Variants in AXDND1 observed in about 807,000 individuals in gnomAD.
The protein encoded by AXDND1 is axonemal dynein light chain domain containing 1.
AXDND1 carries 110 observed loss-of-function variants against 137.5 expected under a neutral mutation model. That is an observed-to-expected ratio of 0.80 (90% confidence interval 0.69 to 0.94). The LOEUF (loss-of-function observed/expected upper bound fraction) is 0.94. AXDND1 is among the 40% of genes least tolerant of loss of function. The probability of loss-of-function intolerance (pLI) is 0.00; values close to 1 mark genes in which losing one functional copy is unlikely to be tolerated. For missense variants in AXDND1, 1,191 were observed against 1,169.8 expected (o/e 1.02, Z -0.26); for synonymous variants, 414 against 399.7 (o/e 1.04, Z -0.43).
At chr1:179,457,336 C>A in intron 16 of AXDND1, 1 of 556,916 alleles carries the variant, frequency 1.8e-6, no homozygotes, top group Non-Finnish European at 3.2e-6. Context: ...TTAGACAAGA[C>A]GGCCGGGAGA....
At chr1:179,385,744 G>C (rs1649095453) in intron 9 of AXDND1, among the ~76,000 whole-genome samples, 2 of 152,304 alleles carry the variant, frequency 1.3e-5, no homozygotes, top group African/African-American at 4.8e-5. Flanking sequence ...CTCTATTGTG[G>C]TTTCCTTGGG....
chr1:179,440,731 G>A (rs11802595), intron 15 of AXDND1, among the ~76,000 whole-genome samples: 98,641 of 152,186 alleles, frequency 0.65, 32,308 homozygotes, highest in Middle Eastern at 0.7. Flanking sequence ...GAAATGTGAA[G>A]AGAAGCTGCA....
chr1:179,445,094 A>G lies in AXDND1; in HGVS notation c.1688A>G (p.His563Arg), dbSNP rs754651667. ...ATTGGGCTTGGGATATTTAATCGGC[A>G]TAAAAGTTTGGAGGGGGAGATGCCA... ...ADIGLGIFNRHKSLEGEMPSE... is the reference protein window; with the variant it reads ...ADIGLGIFNRRKSLEGEMPSE... The change falls in exon 16 of 26, where the codon CAT (histidine) becomes CGT (arginine). Residue 563 changes from histidine to arginine, a missense_variant. By Grantham distance (29) the His-to-Arg change is conservative. Coordinates refer to ENST00000367618, the MANE Select transcript of AXDND1 (RefSeq NM_144696.6). 5.6e-6 allele frequency: 9 copies of G among 1,613,504 alleles called. No homozygotes were observed. The highest frequency in any genetic ancestry group is 1.3e-5 in the African/African-American group (1 of 74,914).
At chr1:179,440,612 G>A (rs2125348077) in intron 15 of AXDND1, among the ~76,000 whole-genome samples, 1 of 152,338 alleles carries the variant, frequency 6.6e-6, no homozygotes, top group African/African-American at 2.4e-5. Flanking sequence ...TTTTGGTGCA[G>A]CAGCGTGTGA....
intron 20 of AXDND1, among the ~76,000 whole-genome samples, chr1:179,502,522 C>T (rs575785788): frequency 1.4e-5 from 2 of 144,614 alleles, no homozygotes; most frequent in Non-Finnish European, 3.0e-5. Context: ...CAAGATTGCA[C>T]CACTGCACTT....
intron 4 of AXDND1, among the ~76,000 whole-genome samples, chr1:179,375,780 G>A (rs1668560214): frequency 6.6e-6 from 1 of 152,166 alleles, no homozygotes. Context: ...CTCTAAGAGG[G>A]TGGAACAGAG....
intron 23 of AXDND1, among the ~76,000 whole-genome samples, chr1:179,529,365 C>A (rs942729444): frequency 6.6e-6 from 1 of 152,162 alleles, no homozygotes; most frequent in Non-Finnish European, 1.5e-5. Context: ...AGGCTCTTGG[C>A]CCCCTACAAA....
At chr1:179,496,968 A>C (rs1485098598) in intron 20 of AXDND1, among the ~76,000 whole-genome samples, 2 of 152,068 alleles carry the variant, frequency 1.3e-5, no homozygotes. Flanking sequence ...GGTTATTTAG[A>C]AGTATATTTA....
At chr1:179,446,509 C>G (rs928626522) in intron 16 of AXDND1, among the ~76,000 whole-genome samples, 4 of 152,220 alleles carry the variant, frequency 2.6e-5, no homozygotes, top group Non-Finnish European at 5.9e-5. Context: ...TACACTGTGT[C>G]TACAGAGATA....
intron 17 of AXDND1, among the ~76,000 whole-genome samples, chr1:179,469,800 T>A (rs942515226): frequency 6.6e-6 from 1 of 152,262 alleles, no homozygotes; most frequent in East Asian, 1.9e-4. Flanking sequence ...TTGTTTCACA[T>A]GCTTATTGGC....
In AXDND1 at chr1:179,395,622, C is replaced by T. The variant is rs936203435; in HGVS notation, c.1109+420C>T. Among the ~76,000 whole-genome samples, 10 of 152,000 alleles carry T rather than the reference C, an allele frequency of 6.6e-5. No homozygotes were observed. The South Asian group carries it at 8.3e-4, about 13-fold the overall frequency. The stretch of plus-strand genomic sequence containing the variant: ...ATATTACCTACCTCATAGGTTATTA[C>T]GAGTATTAAAGGAAGTAATATAAGT... On this transcript the variant is annotated intron_variant, in intron 11 of 25. Coordinates refer to ENST00000367618, the MANE Select transcript of AXDND1 (RefSeq NM_144696.6).
At chr1:179,396,011 A>C (rs1031370773) in intron 11 of AXDND1, among the ~76,000 whole-genome samples, 1 of 152,008 alleles carries the variant, frequency 6.6e-6, no homozygotes, top group Non-Finnish European at 1.5e-5. Context: ...TCTACTAAAA[A>C]TACAAAAATT....
chr1:179,398,367 G>A (rs1012072350), intron 11 of AXDND1, among the ~76,000 whole-genome samples: 12 of 152,248 alleles, frequency 7.9e-5, no homozygotes, highest in Admixed American at 3.9e-4. Flanking sequence ...TGCACTGGGG[G>A]GAGCTGAGGT....
chr1:179,477,531 T>A (rs1355541983), intron 17 of AXDND1, among the ~76,000 whole-genome samples: 1 of 152,148 alleles, frequency 6.6e-6, no homozygotes, highest in Non-Finnish European at 1.5e-5. Flanking sequence ...CTCATGAGAC[T>A]TATTCACTAC....
At chr1:179,386,054 T>C (rs1649160414) in intron 9 of AXDND1, among the ~76,000 whole-genome samples, 1 of 143,334 alleles carries the variant, frequency 7.0e-6, no homozygotes, top group Non-Finnish European at 1.5e-5. Context: ...TTTTTCCTTT[T>C]TTTTTTTTTT....
chr1:179,503,962 C>T (rs1668284021), intron 20 of AXDND1, among the ~76,000 whole-genome samples: 1 of 152,008 alleles, frequency 6.6e-6, no homozygotes, highest in Admixed American at 6.6e-5. Context: ...TTTAAAAAGT[C>T]CAGATGAGTA....
At chr1:179,407,484 C>G (rs531355819) in intron 11 of AXDND1, among the ~76,000 whole-genome samples, 109 of 152,268 alleles carry the variant, frequency 7.2e-4, no homozygotes, top group Non-Finnish European at 1.1e-3. Context: ...ACTGGCCTCC[C>G]AAAGTGTTGG....
At chr1:179,525,754 A>G (rs968141741) in intron 22 of AXDND1, among the ~76,000 whole-genome samples, 1 of 151,986 alleles carries the variant, frequency 6.6e-6, no homozygotes, top group Non-Finnish European at 1.5e-5. Flanking sequence ...TCAGCCTCCT[A>G]AAGTGCTGGG....
intron 16 of AXDND1, among the ~76,000 whole-genome samples, chr1:179,459,967 TTCTTTCTTTTTC>T (rs1410135377): frequency 7.2e-6 from 1 of 139,740 alleles, no homozygotes; most frequent in East Asian, 2.1e-4. Context: ...CCTTCTTTCT[TTCTTTCTTTTTC>T]TTTCTTTCTT....
Sources: gnomAD v4.1 joint callset for allele counts (sites outside exome capture counted in the v4.1 genomes callset) on GRCh38, gnomAD v4.1.1 for gene constraint, MANE v1.5 for transcripts, NCBI Gene and HGNC (gene_info 2026-07-23, HGNC 2026-07-21) for gene names.